NUP98: variants seen among roughly 807,000 people sequenced by gnomAD.
The protein encoded by NUP98 is nucleoporin 98 and 96 precursor, also known as nuclear pore complex protein Nup98-Nup96.
NUP98 carries 26 observed loss-of-function variants against 191.9 expected under a neutral mutation model. The observed-to-expected ratio is 0.14, with a 90% CI of 0.10 to 0.19. The LOEUF (loss-of-function observed/expected upper bound fraction) is 0.19, where lower values mean the gene tolerates loss of function less well. Among genes scored for constraint, NUP98 ranks in the 10% least tolerant of loss-of-function variants. The probability of loss-of-function intolerance (pLI) is 1.00; values close to 1 mark genes in which losing one functional copy is unlikely to be tolerated. For missense variants in NUP98, 1,941 were observed against 2,178.8 expected (o/e 0.89, Z 2.17); for synonymous variants, 808 against 778.4 (o/e 1.04, Z -0.63).
At position 3,712,555 on chromosome 11, in the gene NUP98, T is replaced by C. The variant is rs1405006558; in HGVS notation, c.2742+9A>G. The C allele has an allele frequency of 1.2e-6, 2 of 1,612,078 alleles. No individual in the cohort carries two copies. The highest frequency in any genetic ancestry group is 1.7e-5 in the Admixed American group (1 of 59,174). On this transcript the variant is annotated intron_variant, in intron 20 of 32. Coordinates refer to ENST00000324932, the MANE Select transcript of NUP98 (RefSeq NM_016320.5). ...ATTCCATTCAAATTCACTGTCCTTT[T>C]TTCTCTACCTGAGGTGGAGGTGCAG... is the stretch of plus-strand genomic sequence containing the variant.
chr11:3,706,872 G>A (rs1282023724), intron 20 of NUP98, among the ~76,000 whole-genome samples: 1 of 152,136 alleles, frequency 6.6e-6, no homozygotes, highest in Non-Finnish European at 1.5e-5. Context: ...CCTGGTGTCT[G>A]GGACCTAAAC....
rs902242571 is a variant in NUP98 at position 3,723,205 on chromosome 11, C to G, written c.2098G>C (p.Asp700His). 4 of 1,613,970 alleles carry G rather than the reference C, an allele frequency of 2.5e-6. No individual in the cohort carries two copies. In the African/African-American group the frequency reaches 5.3e-5, roughly 22 times the overall value. ...TTATTTTCTATTTCTTCTCGGTCAT[C>G]CTGAAGTGACTCATCATGAAAAGAC... ...ETSFHDESLQ[D>H]DREEIENNSY... The change falls in exon 16 of 33, where the codon GAT (aspartate) becomes CAT (histidine). Residue 700 changes from aspartate to histidine, a missense_variant. By Grantham distance (81) the Asp-to-His change is moderately conservative. Coordinates refer to ENST00000324932, the MANE Select transcript of NUP98 (RefSeq NM_016320.5).
intron 20 of NUP98, among the ~76,000 whole-genome samples, chr11:3,709,674 GA>G (rs767248887): frequency 8.2e-4 from 108 of 131,900 alleles, no homozygotes; most frequent in Middle Eastern, 3.8e-3. Flanking sequence ...CTTTGCCTCA[GA>G]AAAAAAAAAA....
At chr11:3,718,420 C>A (rs1183360419) in intron 18 of NUP98, among the ~76,000 whole-genome samples, 1 of 152,022 alleles carries the variant, frequency 6.6e-6, no homozygotes, top group Non-Finnish European at 1.5e-5. Flanking sequence ...CCTATAATCC[C>A]AGCTACTCTG....
intron 1 of NUP98, among the ~76,000 whole-genome samples, chr11:3,795,048 A>G (rs1340906871): frequency 6.6e-6 from 1 of 152,192 alleles, no homozygotes; most frequent in Non-Finnish European, 1.5e-5. Flanking sequence ...CCACCACATA[A>G]ATCATATTAC....
At chr11:3,782,729 A>G (rs1029315531) in intron 1 of NUP98, among the ~76,000 whole-genome samples, 9 of 151,896 alleles carry the variant, frequency 5.9e-5, no homozygotes, top group Non-Finnish European at 1.2e-4. Context: ...TTTTTAGGAG[A>G]GACAGGGTTT....
chr11:3,732,129 TC>T (rs1384858964), intron 13 of NUP98, among the ~76,000 whole-genome samples: 1 of 152,168 alleles, frequency 6.6e-6, no homozygotes, highest in Non-Finnish European at 1.5e-5. Flanking sequence ...GCACCTGTAA[TC>T]CCAGCTACTG....
intron 20 of NUP98, chr11:3,712,279 A>G (rs1275670366): frequency 2.5e-6 from 3 of 1,189,192 alleles, no homozygotes; most frequent in South Asian, 3.3e-5. Context: ...TTAATCACTG[A>G]GCAGAGAATT....
chr11:3,754,925 T>C (rs951569210), intron 10 of NUP98, among the ~76,000 whole-genome samples: 33 of 112,496 alleles, frequency 2.9e-4, no homozygotes, highest in African/African-American at 1.2e-3. Context: ...CTAGACGACA[T>C]AGCGAGACAC....
intron 1 of NUP98, among the ~76,000 whole-genome samples, chr11:3,785,772 C>G (rs977649518): frequency 1.3e-5 from 2 of 151,848 alleles, no homozygotes; most frequent in Non-Finnish European, 2.9e-5. Flanking sequence ...AAACAAATAA[C>G]AAAAGATCTA....
At chr11:3,680,689 G>A (rs1382448486) in intron 30 of NUP98, among the ~76,000 whole-genome samples, 2 of 152,120 alleles carry the variant, frequency 1.3e-5, no homozygotes, top group East Asian at 1.9e-4. Flanking sequence ...GCGACCACAG[G>A]TGTGTGCCAC....
chr11:3,723,274 G>C lies in NUP98; in HGVS notation c.2029C>G (p.Arg677Gly), dbSNP rs61751338. The C allele has an allele frequency of 6.2e-7, 1 of 1,614,056 alleles. No homozygotes were observed. The highest frequency in any genetic ancestry group is 8.5e-7 in the Non-Finnish European group (1 of 1,180,000). ...VDDTIVALNMRAALRNGLEGS... is the reference protein window; with the variant it reads ...VDDTIVALNMGAALRNGLEGS... Reference sequence around the variant, plus strand: ...TCCAGCCCATTTCGCAAAGCAGCACGCATGTTTAATGCAACAATGGTATCA... The same window carrying C: ...TCCAGCCCATTTCGCAAAGCAGCACCCATGTTTAATGCAACAATGGTATCA... The change falls in exon 16 of 33, where the codon CGT becomes GGT. Residue 677 changes from arginine (R) to glycine (G), a missense_variant. Physicochemically the swap from Arg to Gly is moderately radical, Grantham distance 125. This residue lies in a region of NUP98 where 453 missense variants were observed against 438.2 expected (regional missense o/e 1.03). Transcript: ENST00000324932.
Position 3,691,505 on chromosome 11 carries a change from G to C in NUP98, c.4312-16C>G. ...CAGAGGTATTCTGAAGGAATAATTT[G>C]ATAAAACAATACATTAGCTCCTAAT... is the stretch of plus-strand genomic sequence containing the variant. On this transcript the variant is annotated splice_polypyrimidine_tract_variant and intron_variant, in intron 27 of 32. Transcript: ENST00000324932. The C allele has an allele frequency of 6.2e-7, 1 of 1,613,206 alleles. No individual in the cohort carries two copies. The highest frequency in any genetic ancestry group is 8.5e-7 in the Non-Finnish European group (1 of 1,179,370).
intron 11 of NUP98, among the ~76,000 whole-genome samples, chr11:3,746,893 AG>A (rs532103109): frequency 6.6e-6 from 1 of 151,508 alleles, no homozygotes; most frequent in South Asian, 2.1e-4. Flanking sequence ...AGCCTGGGCA[AG>A]AAGAGCAAAA....
chr11:3,698,995 G>A (rs2078597112), intron 25 of NUP98, 87 bp downstream of exon 25: 1 of 1,483,316 alleles, frequency 6.7e-7, no homozygotes, highest in African/African-American at 1.4e-5. Flanking sequence ...AGAAGCCAAA[G>A]GGAAATGCAC....
At chr11:3,786,475 T>C (rs951180411) in intron 1 of NUP98, among the ~76,000 whole-genome samples, 3 of 152,210 alleles carry the variant, frequency 2.0e-5, no homozygotes, top group Non-Finnish European at 4.4e-5. Context: ...TTTTTCTTTT[T>C]GATATATTTA....
intron 30 of NUP98, among the ~76,000 whole-genome samples, chr11:3,682,448 G>A (rs1014995755): frequency 6.6e-6 from 1 of 152,168 alleles, no homozygotes; most frequent in African/African-American, 2.4e-5. Flanking sequence ...AACATATTTA[G>A]AGGCCATTGT....
chr11:3,742,696 C>T, intron 12 of NUP98, among the ~76,000 whole-genome samples: 1 of 56,296 alleles, frequency 1.8e-5, no homozygotes, highest in African/African-American at 6.1e-5. Context: ...AAGACTCTGT[C>T]TCCAAAAAAA....
chr11:3,698,894 A>G (rs2078593870), intron 25 of NUP98, 188 bp downstream of exon 25: 5 of 647,818 alleles, frequency 7.7e-6, no homozygotes, highest in Non-Finnish European at 1.3e-5. Flanking sequence ...AACATTGTTT[A>G]CTTGATTAAA....
Sources: allele counts gnomAD v4.1 joint callset (sites outside exome capture counted in the v4.1 genomes callset), GRCh38; gene constraint gnomAD v4.1.1; regional missense constraint gnomAD v4.1.1; transcripts MANE v1.5; gene names NCBI Gene and HGNC (gene_info 2026-07-23, HGNC 2026-07-21).